Variants in PDZRN4 observed in about 807,000 individuals in gnomAD.
The protein encoded by PDZRN4 is PDZ domain containing ring finger 4, also known as PDZ domain-containing RING finger protein 4.
PDZRN4 carries 70 observed loss-of-function variants against 99.0 expected under a neutral mutation model. That is an observed-to-expected ratio of 0.71 (90% CI 0.58 to 0.86). The LOEUF is 0.86. PDZRN4 is among the 40% of genes least tolerant of loss of function. The probability of loss-of-function intolerance (pLI) is 0.00; values close to 1 mark genes in which losing one functional copy is unlikely to be tolerated. For missense variants in PDZRN4, 1,474 were observed against 1,331.2 expected (o/e 1.11, Z -1.67); for synonymous variants, 551 against 501.6 (o/e 1.10, Z -1.32).
chr12:41,422,708 T>G (rs1952502649), intron 3 of PDZRN4, among the ~76,000 whole-genome samples: 1 of 152,108 alleles, frequency 6.6e-6, no homozygotes, highest in Non-Finnish European at 1.5e-5. Flanking sequence ...CCAATCACCT[T>G]CCACCAGATC....
chr12:41,310,141 C>T (rs1324263697), intron 3 of PDZRN4, among the ~76,000 whole-genome samples: 1 of 152,076 alleles, frequency 6.6e-6, no homozygotes, highest in Non-Finnish European at 1.5e-5. Flanking sequence ...CCTTGTTAGC[C>T]AGGCTGGTCT....
chr12:41,570,214 G>C (rs1565618702), intron 9 of PDZRN4, among the ~76,000 whole-genome samples: 1 of 152,110 alleles, frequency 6.6e-6, no homozygotes. Context: ...AAAATGGTGA[G>C]AAGTACAGAA....
intron 3 of PDZRN4, among the ~76,000 whole-genome samples, chr12:41,212,088 G>A (rs1202011893): frequency 6.6e-6 from 1 of 151,900 alleles, no homozygotes; most frequent in Non-Finnish European, 1.5e-5. Context: ...TGAGAGGGCT[G>A]AATCTCATGT....
intron 2 of PDZRN4, among the ~76,000 whole-genome samples, chr12:41,193,710 G>GT (rs539183675): frequency 7.2e-5 from 11 of 152,126 alleles, no homozygotes; most frequent in Non-Finnish European, 1.5e-4. Context: ...CCAGATATAT[G>GT]TTTTTTTCCT....
rs1486335174 is a variant in PDZRN4, at chr12:41,574,691, G to A, written c.*801G>A. The A allele has an allele frequency of 1.3e-5, 2 of 152,222 alleles. No homozygotes were observed. Among genetic ancestry groups the A allele is most frequent in the Non-Finnish European group, 2.9e-5 (2 of 68,036 alleles). The allele number at this position is 152,222 out of a possible 1,614,324, so 9.4% of individuals were successfully genotyped here. A position where few individuals can be genotyped will look rare whatever the true frequency, so the allele number is the denominator to read the frequency against. On this transcript the variant is annotated 3_prime_UTR_variant, in exon 10 of 10. Coordinates refer to ENST00000402685, the MANE Select transcript of PDZRN4 (RefSeq NM_001164595.2). ...GACGCCTAATTGTGGATTATAAAAT[G>A]TGCACATTTTCTATCACTTGTTTCC...
intron 4 of PDZRN4, among the ~76,000 whole-genome samples, chr12:41,508,997 C>T (rs1377209492): frequency 1.3e-5 from 2 of 152,080 alleles, no homozygotes; most frequent in Non-Finnish European, 2.9e-5. Flanking sequence ...TTAAACTATG[C>T]TTAGTCTTCA....
At chr12:41,298,837 T>A (rs1481056097) in intron 3 of PDZRN4, among the ~76,000 whole-genome samples, 1 of 152,176 alleles carries the variant, frequency 6.6e-6, no homozygotes, top group Non-Finnish European at 1.5e-5. Flanking sequence ...GGGAGAATAT[T>A]CTTTTTCTTT....
intron 3 of PDZRN4, among the ~76,000 whole-genome samples, chr12:41,208,649 T>G (rs904689618): frequency 6.6e-6 from 1 of 151,900 alleles, no homozygotes; most frequent in Admixed American, 6.6e-5. Flanking sequence ...AAGAAGAATA[T>G]ATTTTTTTTG....
At chr12:41,300,184 G>A (rs950203781) in intron 3 of PDZRN4, among the ~76,000 whole-genome samples, 2 of 151,792 alleles carry the variant, frequency 1.3e-5, no homozygotes, top group East Asian at 3.8e-4. Flanking sequence ...CATTGCTTTT[G>A]CATAGCTCTT....
chr12:41,270,299 GTCT>G (rs1566410455), intron 3 of PDZRN4, among the ~76,000 whole-genome samples: 61 of 146,982 alleles, frequency 4.2e-4, no homozygotes, highest in African/African-American at 1.5e-3. Context: ...GTGTGTGTGT[GTCT>G]GTGTGTGTGG....
At chr12:41,316,713 A>G (rs1565549816) in intron 3 of PDZRN4, among the ~76,000 whole-genome samples, 1 of 151,924 alleles carries the variant, frequency 6.6e-6, no homozygotes, top group African/African-American at 2.4e-5. Context: ...ATTTAATCCA[A>G]TTACCTCCTA....
At chr12:41,398,215 A>G (rs567256169) in intron 3 of PDZRN4, among the ~76,000 whole-genome samples, 2 of 152,270 alleles carry the variant, frequency 1.3e-5, no homozygotes, top group African/African-American at 4.8e-5. Context: ...TTTCCCCCAG[A>G]TCAGAAGACT....
intron 3 of PDZRN4, among the ~76,000 whole-genome samples, chr12:41,353,676 T>C (rs1423477885): frequency 6.6e-6 from 1 of 152,078 alleles, no homozygotes; most frequent in Non-Finnish European, 1.5e-5. Context: ...AGAAGTGTTC[T>C]CTCTAGAATG....
chr12:41,234,253 A>G (rs1419242626), intron 3 of PDZRN4, among the ~76,000 whole-genome samples: 3 of 152,122 alleles, frequency 2.0e-5, no homozygotes, highest in Non-Finnish European at 1.5e-5. Flanking sequence ...AAACATGTAC[A>G]TAAAGAATAC....
chr12:41,467,697 T>C (rs1300532612), intron 3 of PDZRN4, among the ~76,000 whole-genome samples: 2 of 152,176 alleles, frequency 1.3e-5, no homozygotes, highest in Non-Finnish European at 2.9e-5. Flanking sequence ...GAGCCAGCCA[T>C]GGACTCTAGC....
intron 3 of PDZRN4, among the ~76,000 whole-genome samples, chr12:41,227,167 A>T (rs905653025): frequency 2.6e-5 from 4 of 152,174 alleles, no homozygotes; most frequent in Admixed American, 6.6e-5. Context: ...ATAGTGAATT[A>T]AAAAGATAGA....
At chr12:41,234,149 A>G (rs1951049981) in intron 3 of PDZRN4, among the ~76,000 whole-genome samples, 1 of 151,572 alleles carries the variant, frequency 6.6e-6, no homozygotes, top group Non-Finnish European at 1.5e-5. Context: ...TTTCCTTTAA[A>G]CCCCCCAATT....
At chr12:41,535,726 A>T (rs1565608573) in intron 5 of PDZRN4, among the ~76,000 whole-genome samples, 1 of 152,128 alleles carries the variant, frequency 6.6e-6, no homozygotes, top group Non-Finnish European at 1.5e-5. Flanking sequence ...TCATTAAAAA[A>T]TGGTGCATTT....
intron 3 of PDZRN4, among the ~76,000 whole-genome samples, chr12:41,372,661 T>C (rs1212107957): frequency 6.6e-6 from 1 of 152,112 alleles, no homozygotes; most frequent in Admixed American, 6.6e-5. Flanking sequence ...TTCACATAGG[T>C]AGCTAAAATG....
Sources: allele counts gnomAD v4.1 joint callset (sites outside exome capture counted in the v4.1 genomes callset), GRCh38; gene constraint gnomAD v4.1.1; transcripts MANE v1.5; gene names NCBI Gene and HGNC (gene_info 2026-07-23, HGNC 2026-07-21).